The following FKTN variants were observed in gnomAD, a reference collection of about 807,000 sequenced individuals.
FKTN encodes ribitol-5-phosphate transferase FKTN.
In FKTN, 47 loss-of-function variants were observed where a neutral mutation model predicts 58.6. The observed-to-expected ratio is 0.80, with a 90% CI of 0.63 to 1.02. The LOEUF (loss-of-function observed/expected upper bound fraction) is 1.02. FKTN is among the 50% of genes least tolerant of loss of function. The pLI is 0.00. For synonymous variants in FKTN, 178 were observed against 191.9 expected (o/e 0.93, Z 0.60); for missense variants, 516 against 537.3 (o/e 0.96, Z 0.39).
intron 6 of FKTN, 28 bp downstream of exon 6, chr9:105,604,520 T>G (rs764425114): frequency 1.3e-6 from 2 of 1,582,036 alleles, no homozygotes; most frequent in South Asian, 1.1e-5. Flanking sequence ...ACGTGAAATG[T>G]GAAATGAGTG....
chr9:105,598,336 A>G (rs1827209367), intron 4 of FKTN, among the ~76,000 whole-genome samples: 7 of 152,100 alleles, frequency 4.6e-5, no homozygotes, highest in Admixed American at 3.9e-4. Context: ...TCTCATCAAT[A>G]GTGTGATATT....
chr9:105,631,276 C>G (rs547395490), intron 10 of FKTN, among the ~76,000 whole-genome samples: 1 of 152,130 alleles, frequency 6.6e-6, no homozygotes, highest in African/African-American at 2.4e-5. Context: ...TGTGCTAGCC[C>G]TGCTTCTATT....
intron 9 of FKTN, among the ~76,000 whole-genome samples, chr9:105,618,925 GGCGGGCGCCTGTA>G (rs1831328775): frequency 1.3e-5 from 2 of 152,268 alleles, no homozygotes; most frequent in South Asian, 4.1e-4. Flanking sequence ...CGGGCGCGGT[GGCGGGCGCCTGTA>G]GTCCCAGCTA....
intron 1 of FKTN, among the ~76,000 whole-genome samples, chr9:105,572,234 A>G (rs1156485478): frequency 7.1e-6 from 1 of 141,050 alleles, no homozygotes; most frequent in Non-Finnish European, 1.5e-5. Context: ...GAGACTGTAT[A>G]TATATATATA....
In FKTN at chr9:105,601,333, C is replaced by T; in HGVS notation, c.354C>T (p.His118=). Residue 118 remains histidine, a synonymous_variant, in exon 5 of 11, where the codon CAC becomes CAT. Coordinates refer to ENST00000357998, the MANE Select transcript of FKTN (RefSeq NM_001079802.2). ...RDFTAFALQY[H]LWKNEEGWFR... ...TTACTGCATTTGCACTGCAGTATCA[C>T]CTATGGAAGAATGAGGTAAGTGACT... is the stretch of plus-strand genomic sequence containing the variant. 1 of 1,604,862 alleles carries T rather than the reference C, an allele frequency of 6.2e-7. No individual in the cohort carries two copies. Among genetic ancestry groups the T allele is most frequent in the Non-Finnish European group, 8.5e-7 (1 of 1,174,486 alleles).
intron 3 of FKTN, among the ~76,000 whole-genome samples, chr9:105,575,954 G>A (rs1841596416): frequency 6.6e-6 from 1 of 151,906 alleles, no homozygotes; most frequent in East Asian, 1.9e-4. Flanking sequence ...TAGTTTTTAT[G>A]CTCCCCTGAC....
intron 10 of FKTN, among the ~76,000 whole-genome samples, chr9:105,625,326 G>T (rs948450133): frequency 6.6e-6 from 1 of 152,212 alleles, no homozygotes; most frequent in Non-Finnish European, 1.5e-5. Context: ...TATTAAGTTA[G>T]ATTTGGTTGC....
chr9:105,594,880 A>T (rs1302162881), intron 3 of FKTN, among the ~76,000 whole-genome samples: 1 of 152,236 alleles, frequency 6.6e-6, no homozygotes, highest in African/African-American at 2.4e-5. Flanking sequence ...TTGTCAGTGT[A>T]TACAAGAGAA....
intron 3 of FKTN, among the ~76,000 whole-genome samples, chr9:105,585,975 C>A (rs1322796370): frequency 6.6e-6 from 1 of 152,016 alleles, no homozygotes; most frequent in Admixed American, 6.6e-5. Context: ...TCTTTTATTC[C>A]AACCCAAATT....
At chr9:105,624,858 A>T (rs1446868849) in intron 10 of FKTN, among the ~76,000 whole-genome samples, 1 of 152,190 alleles carries the variant, frequency 6.6e-6, no homozygotes, top group Admixed American at 6.5e-5. Context: ...TAGCTGAGTG[A>T]GCCCAGGAAT....
At chr9:105,567,567 A>T (rs1294260397) in intron 1 of FKTN, among the ~76,000 whole-genome samples, 2 of 152,240 alleles carry the variant, frequency 1.3e-5, no homozygotes, top group Non-Finnish European at 2.9e-5. Context: ...TAAAATACCT[A>T]GGAATCCAAC....
Position 105,563,604 on chromosome 9 carries a change from G to A in FKTN, c.-181+5439G>A, listed in dbSNP as rs201078970. On this transcript the variant is annotated intron_variant, in intron 1 of 10. Transcript: ENST00000357998. ...TGCAACGTGGCAGCGAGGCTGGGGGGGGGGGCACCCGCCATTGCTGAGGCT... is the reference window on the plus strand; with the variant it reads ...TGCAACGTGGCAGCGAGGCTGGGGGAGGGGGCACCCGCCATTGCTGAGGCT... Among the ~76,000 whole-genome samples, 491 of 145,836 alleles carry A rather than the reference G, an allele frequency of 3.4e-3. 6 individuals carry two copies. The highest frequency in any genetic ancestry group is 0.019 in the East Asian group (99 of 5,174).
rs1240440877 is a variant in FKTN at position 105,570,520 on chromosome 9, G to T, written c.-180-3135G>T. On this transcript the variant is annotated intron_variant, in intron 1 of 10. Transcript: ENST00000357998. ...TCTTAATTGATGTGGGGGTGGTAAG[G>T]AATGGGGCTTGCGCATTTTGGAAAA... Among the ~76,000 whole-genome samples, 5 of 152,126 alleles carry T rather than the reference G, an allele frequency of 3.3e-5. No individual in the cohort carries two copies. The East Asian group carries it at 9.6e-4, about 29-fold the overall frequency.
chr9:105,635,600 G>T lies in FKTN; in HGVS notation c.*336G>T. On this transcript the variant is annotated 3_prime_UTR_variant, in exon 11 of 11. Coordinates refer to ENST00000357998, the MANE Select transcript of FKTN (RefSeq NM_001079802.2). The stretch of plus-strand genomic sequence containing the variant: ...CAAGTTCTGTACAGGTTTTTAAAAC[G>T]TGAAGTAATGTTTGAACTGGAAGAT... 2 of 1,179,252 alleles carry T rather than the reference G, an allele frequency of 1.7e-6. No individual in the cohort carries two copies. Among genetic ancestry groups the T allele is most frequent in the Non-Finnish European group, 2.1e-6 (2 of 945,842 alleles). 73.0% of individuals were successfully genotyped at this position (1,179,252 alleles called of 1,614,324 possible).
intron 6 of FKTN, 132 bp from the exon 7 acceptor site, chr9:105,607,687 C>T (rs1829153574): frequency 2.7e-6 from 2 of 731,172 alleles, no homozygotes; most frequent in Admixed American, 4.0e-5. Context: ...TATACATGTG[C>T]CATGGTAGTT....
Position 105,620,013 on chromosome 9 carries a change from A to G in FKTN, c.1124A>G (p.Asp375Gly). Residue 375 changes from aspartate to glycine, a missense_variant, in exon 10 of 11, where the codon GAT becomes GGT. Asp to Gly is a moderately conservative substitution (Grantham distance 94, BLOSUM62 -1). Transcript: ENST00000357998. The part of the protein sequence containing the change: ...LDVFFFYEET[D>G]HMWNGGTQAK... The stretch of plus-strand genomic sequence containing the variant: ...GTTTTTTTCTTCTATGAAGAAACTG[A>G]TCACATGTGGAATGGAGGCACTCAG... The G allele has an allele frequency of 6.2e-7, 1 of 1,612,972 alleles. No homozygotes were observed. The highest frequency in any genetic ancestry group is 8.5e-7 in the Non-Finnish European group (1 of 1,179,196).
intron 10 of FKTN, among the ~76,000 whole-genome samples, chr9:105,628,004 G>T (rs925847707): frequency 6.6e-5 from 10 of 152,174 alleles, no homozygotes; most frequent in East Asian, 1.9e-4. Flanking sequence ...TAGCCTAGTT[G>T]TTTTCAATCA....
At chr9:105,596,834 T>C (rs962052559) in intron 4 of FKTN, 177 bp downstream of exon 4, 5 of 624,464 alleles carry the variant, frequency 8.0e-6, no homozygotes, top group Non-Finnish European at 1.1e-5. Context: ...CAATGTCTTA[T>C]TTAGTCCCTA....
At chr9:105,586,094 A>G (rs993089493) in intron 3 of FKTN, among the ~76,000 whole-genome samples, 1 of 152,196 alleles carries the variant, frequency 6.6e-6, no homozygotes, top group Non-Finnish European at 1.5e-5. Flanking sequence ...AAGGAGACTT[A>G]CTTTTGACCA....
Sources: allele counts gnomAD v4.1 joint callset (sites outside exome capture counted in the v4.1 genomes callset), GRCh38; gene constraint gnomAD v4.1.1; transcripts MANE v1.5; gene names NCBI Gene and HGNC (gene_info 2026-07-23, HGNC 2026-07-21).